The following SHANK2 variants were observed in gnomAD, a reference collection of about 807,000 sequenced individuals.
SHANK2 encodes SH3 and multiple ankyrin repeat domains protein 2.
In SHANK2, 43 loss-of-function variants were observed where a neutral mutation model predicts 133.7. The ratio of observed to expected loss-of-function variants is 0.32; its 90% CI spans 0.25 to 0.41. The LOEUF is 0.41. Among genes scored for constraint, SHANK2 ranks in the 10% least tolerant of loss-of-function variants. SHANK2 has a pLI of 1.00. For synonymous variants in SHANK2, 1,017 were observed against 952.8 expected (o/e 1.07, Z -1.24); for missense variants, 1,994 against 2,235.8 (o/e 0.89, Z 2.18).
rs114533889 is a variant in SHANK2 at position 70,851,245 on chromosome 11, G to A, written c.1175-30563C>T. Among the ~76,000 whole-genome samples the A allele has an allele frequency of 6.4e-3, 975 of 152,356 alleles. 9 individuals are homozygous for A. Among genetic ancestry groups the A allele is most frequent in the African/African-American group, 0.021 (879 of 41,582 alleles). On this transcript the variant is annotated intron_variant, in intron 11 of 25. Transcript: ENST00000601538. ...CCCAACAAAGGCACAAGAAAGGGCT[G>A]TTGTAGCTGGGGCTCCTAATTGTCC...
intron 15 of SHANK2, among the ~76,000 whole-genome samples, chr11:70,693,950 T>C (rs1028696046): frequency 6.6e-6 from 1 of 152,076 alleles, no homozygotes; most frequent in Non-Finnish European, 1.5e-5. Context: ...AGATGAGTGA[T>C]AGAAAGATAA....
chr11:70,504,367 G>A (rs2059106011), intron 17 of SHANK2, among the ~76,000 whole-genome samples: 1 of 151,716 alleles, frequency 6.6e-6, no homozygotes, highest in Non-Finnish European at 1.5e-5. Flanking sequence ...TCCCCATACT[G>A]TTGACAGGCC....
chr11:70,543,560 G>C (rs2136041077), intron 17 of SHANK2, among the ~76,000 whole-genome samples: 1 of 152,306 alleles, frequency 6.6e-6, no homozygotes, highest in East Asian at 1.9e-4. Context: ...AGGTTCCTTG[G>C]GGGTGGCGTG....
At chr11:71,203,964 G>A (rs1032301572) in intron 2 of SHANK2, among the ~76,000 whole-genome samples, 2 of 152,154 alleles carry the variant, frequency 1.3e-5, no homozygotes, top group Admixed American at 6.5e-5. Flanking sequence ...GCGGGCGCCT[G>A]GTCTCTCCTG....
Position 70,535,657 on chromosome 11 carries a change from C to T in SHANK2, c.2062-32726G>A, listed in dbSNP as rs2059533727. On this transcript the variant is annotated intron_variant, in intron 17 of 25. Coordinates refer to ENST00000601538, the MANE Select transcript of SHANK2 (RefSeq NM_012309.5). The surrounding 1 kb of genome is among the most constrained non-coding windows in gnomAD (Gnocchi z 4.3). ...GCTAGACGCTGGGGAATGAATAACT[C>T]CTGGCCCCGCCTTTAAGGGCTGCAC... Among the ~76,000 whole-genome samples the T allele has an allele frequency of 1.3e-5, 2 of 152,238 alleles. No individual in the cohort carries two copies. The highest frequency in any genetic ancestry group is 2.9e-5 in the Non-Finnish European group (2 of 68,042).
intron 15 of SHANK2, chr11:70,668,144 C>G (rs1555015244): frequency 2.6e-5 from 4 of 152,092 alleles, no homozygotes; most frequent in Non-Finnish European, 5.9e-5. Context: ...TGACTCAACC[C>G]ACCCAAAAAA....
intron 17 of SHANK2, among the ~76,000 whole-genome samples, chr11:70,592,675 T>A (rs2136278254): frequency 6.6e-6 from 1 of 152,146 alleles, no homozygotes; most frequent in South Asian, 2.1e-4. Context: ...AAGGGCTGTG[T>A]GGTTAGGCCA....
intron 23 of SHANK2, chr11:70,489,974 CGCCCA>C: frequency 6.1e-6 from 1 of 165,122 alleles, no homozygotes; most frequent in Non-Finnish European, 1.3e-5. Context: ...CGCACCACCC[CGCCCA>C]CCCTCCCGCT....
chr11:70,947,404 G>A, intron 10 of SHANK2, among the ~76,000 whole-genome samples: 1 of 149,300 alleles, frequency 6.7e-6, no homozygotes, highest in East Asian at 2.0e-4. Context: ...CCAGACTGGA[G>A]TGCAGTGGCA....
intron 13 of SHANK2, among the ~76,000 whole-genome samples, chr11:70,799,727 G>A (rs1456766840): frequency 6.6e-6 from 1 of 152,146 alleles, no homozygotes; most frequent in Non-Finnish European, 1.5e-5. Flanking sequence ...TCACTGGACA[G>A]ACACGGCCAC....
At chr11:71,127,683 T>C (rs557303031) in intron 3 of SHANK2, among the ~76,000 whole-genome samples, 41 of 152,328 alleles carry the variant, frequency 2.7e-4, no homozygotes, top group Non-Finnish European at 5.9e-4. Flanking sequence ...TGCTATTACA[T>C]ACTTAATAGA....
chr11:70,937,556 G>T (rs1555083635), intron 10 of SHANK2, among the ~76,000 whole-genome samples: 1 of 152,220 alleles, frequency 6.6e-6, no homozygotes, highest in Admixed American at 6.5e-5. Flanking sequence ...TACCCAGAGG[G>T]CCTGGCCTTG....
intron 13 of SHANK2, among the ~76,000 whole-genome samples, chr11:70,805,194 G>A (rs1257922477): frequency 1.3e-5 from 2 of 152,138 alleles, no homozygotes; most frequent in Non-Finnish European, 2.9e-5. Context: ...TTGGGCATCA[G>A]TGAGCTCCAA....
At chr11:70,661,500 T>TATAC (rs1486149902) in intron 16 of SHANK2, 96 bp downstream of exon 16, 2 of 852,268 alleles carry the variant, frequency 2.3e-6, no homozygotes, top group African/African-American at 2.0e-5. Context: ...TGCAGGCGTA[T>TATAC]ACACACACAC....
intron 14 of SHANK2, among the ~76,000 whole-genome samples, chr11:70,793,700 G>A (rs1453032111): frequency 6.6e-6 from 1 of 152,132 alleles, no homozygotes; most frequent in Non-Finnish European, 1.5e-5. Flanking sequence ...ATGAGAAAGT[G>A]GAGCAACTGG....
At chr11:70,502,084 G>T in intron 19 of SHANK2, 122 bp downstream of exon 19, 1 of 1,323,450 alleles carries the variant, frequency 7.6e-7, no homozygotes, top group Non-Finnish European at 1.1e-6. Flanking sequence ...GCACGTCTGG[G>T]TACAGGGGCA....
intron 1 of SHANK2, among the ~76,000 whole-genome samples, chr11:71,244,257 A>C (rs945120909): frequency 6.6e-6 from 1 of 152,188 alleles, no homozygotes. Context: ...TAGACCCCAC[A>C]ATCAGAGGGC....
intron 10 of SHANK2, among the ~76,000 whole-genome samples, chr11:70,915,388 T>C (rs2135740467): frequency 6.6e-6 from 1 of 152,320 alleles, no homozygotes; most frequent in East Asian, 1.9e-4. Context: ...CATGGTGCCA[T>C]CTGTGGACAG....
intron 6 of SHANK2, among the ~76,000 whole-genome samples, chr11:71,100,166 G>A (rs763619038): frequency 7.9e-5 from 12 of 152,150 alleles, no homozygotes; most frequent in Non-Finnish European, 1.5e-4. Flanking sequence ...ATTGCCAGTA[G>A]GAGTGTAAAA....
Sources: allele counts gnomAD v4.1 joint callset (sites outside exome capture counted in the v4.1 genomes callset), GRCh38; gene constraint gnomAD v4.1.1; non-coding constraint Gnocchi (gnomAD v3.1); transcripts MANE v1.5; gene names NCBI Gene and HGNC (gene_info 2026-07-23, HGNC 2026-07-21).